The following USP25 variants were observed in gnomAD, a reference collection of about 807,000 sequenced individuals.
The protein encoded by USP25 is ubiquitin specific peptidase 25.
A neutral mutation model predicts 158.5 loss-of-function variants in USP25; 85 were observed. That is an observed-to-expected ratio of 0.54 (90% confidence interval 0.45 to 0.64). The LOEUF is 0.64. Ranked by LOEUF, USP25 falls within the 30% of genes least tolerant of loss-of-function variation. USP25 has a pLI of 0.00. For synonymous variants in USP25, 464 were observed against 460.4 expected, an observed-to-expected ratio of 1.01 and a Z score of -0.10; for missense variants, 1,242 against 1,327.3, an observed-to-expected ratio of 0.94 and a Z score of 1.00.
intron 9 of USP25, among the ~76,000 whole-genome samples, chr21:15,815,361 C>T (rs1487372184): frequency 1.3e-5 from 2 of 152,188 alleles, no homozygotes; most frequent in Non-Finnish European, 2.9e-5. Flanking sequence ...GGGGCACCAC[C>T]TAGTGGAACT....
At position 15,859,991 on chromosome 21, in the gene USP25, ATT is replaced by A. The variant is rs58141554; in HGVS notation, c.2548-4262_2548-4261del. 3.8e-4 allele frequency among the ~76,000 whole-genome samples: 50 copies of A among 131,100 alleles called. 1 individual carries two copies. Among genetic ancestry groups the A allele is most frequent in the African/African-American group, 1.1e-3 (40 of 35,046 alleles). 86.0% of individuals were successfully genotyped at this position (131,100 alleles called of 152,430 possible). Reference sequence around the variant, plus strand: ...TATGTATATATATATATATATCTATATTTTTTTTTTTTTTTTGGATGGCGTCT... The same window carrying A: ...TATGTATATATATATATATATCTATATTTTTTTTTTTTTTGGATGGCGTCT... On this transcript the variant is annotated intron_variant, in intron 20 of 25. Transcript: ENST00000400183.
At chr21:15,747,693 A>T (rs887553525) in intron 1 of USP25, among the ~76,000 whole-genome samples, 29 of 152,172 alleles carry the variant, frequency 1.9e-4, no homozygotes, top group African/African-American at 7.0e-4. Flanking sequence ...CAGTGTGGAT[A>T]TGTTGGACAA....
At chr21:15,835,842 T>G (rs2038039414) in intron 17 of USP25, among the ~76,000 whole-genome samples, 1 of 152,190 alleles carries the variant, frequency 6.6e-6, no homozygotes, top group Non-Finnish European at 1.5e-5. Context: ...AGAGTGAGAT[T>G]GTTGTTTAAA....
intron 5 of USP25, among the ~76,000 whole-genome samples, chr21:15,798,646 G>T (rs375421856): frequency 5.3e-5 from 8 of 151,268 alleles, no homozygotes; most frequent in African/African-American, 1.7e-4. Flanking sequence ...TTTGTTAAAT[G>T]AATGAATAGA....
rs548110273 is a variant in USP25, at chr21:15,766,912, A to G, written c.268+771A>G. 6.6e-6 allele frequency among the ~76,000 whole-genome samples: 1 copy of G among 152,202 alleles called. No individual in the cohort carries two copies. Among genetic ancestry groups the G allele is most frequent in the East Asian group, 1.9e-4 (1 of 5,182 alleles). Reference sequence around the variant, plus strand: ...TTTATAGACATTCTCAAAGTTAGGAAGCAACCAGAAAAGAGTTCGTTTACA... The same window carrying G: ...TTTATAGACATTCTCAAAGTTAGGAGGCAACCAGAAAAGAGTTCGTTTACA... On this transcript the variant is annotated intron_variant, in intron 3 of 25. Transcript: ENST00000400183. The surrounding 1 kb of genome is among the most constrained non-coding windows in gnomAD (Gnocchi z 4.0).
chr21:15,793,884 A>G (rs1181917182), intron 5 of USP25, among the ~76,000 whole-genome samples: 2 of 151,694 alleles, frequency 1.3e-5, no homozygotes, highest in Non-Finnish European at 3.0e-5. Flanking sequence ...ATTTTCTACC[A>G]TTATTGCTTA....
At chr21:15,747,588 G>C (rs1243253279) in intron 1 of USP25, among the ~76,000 whole-genome samples, 1 of 151,968 alleles carries the variant, frequency 6.6e-6, no homozygotes, top group Non-Finnish European at 1.5e-5. Flanking sequence ...TAATGAAATA[G>C]AACAACTATG....
At chr21:15,745,209 A>T (rs2032436128) in intron 1 of USP25, 1 of 151,856 alleles carries the variant, frequency 6.6e-6, no homozygotes, top group Non-Finnish European at 1.5e-5. Flanking sequence ...TTCCTTATTG[A>T]CCATTTTTAT....
chr21:15,774,884 C>T lies in USP25; in HGVS notation c.269-3020C>T, dbSNP rs151104692. Among the ~76,000 whole-genome samples the T allele has an allele frequency of 2.8e-3, 428 of 152,256 alleles. 2 individuals are homozygous for T. Among genetic ancestry groups the T allele is most frequent in the African/African-American group, 9.9e-3 (412 of 41,548 alleles). ...AAGATGCAGCAGTTTTATTCAATAT[C>T]GTTTTGCATCATTGGTGCAAATGTG... On this transcript the variant is annotated intron_variant, in intron 3 of 25. Transcript: ENST00000400183.
rs114426459 is a variant in USP25 at position 15,863,368 on chromosome 21, C to T, written c.2548-900C>T. 7.8e-3 allele frequency among the ~76,000 whole-genome samples: 1,187 copies of T among 152,024 alleles called. 13 individuals carry two copies. Among genetic ancestry groups the T allele is most frequent in the African/African-American group, 0.025 (1,016 of 41,466 alleles). On this transcript the variant is annotated intron_variant, in intron 20 of 25. Coordinates refer to ENST00000400183, the MANE Select transcript of USP25 (RefSeq NM_001283041.3). ...ATTATTCTTACATTAATAAAATGTA[C>T]GTACTGTTGGAGCAATAAATACTTC...
chr21:15,745,768 G>C (rs149864994), intron 1 of USP25, among the ~76,000 whole-genome samples: 10 of 151,996 alleles, frequency 6.6e-5, no homozygotes, highest in Non-Finnish European at 1.5e-4. Context: ...GAGCCACCAC[G>C]CCCGGCTGCT....
chr21:15,766,139 C>T lies in USP25; in HGVS notation c.266C>T (p.Thr89Ile), dbSNP rs2034025668. The change falls in exon 3 of 26, where the codon ACA (threonine) becomes ATA (isoleucine). Residue 89 changes from threonine (T) to isoleucine (I), a missense_variant and splice_region_variant. Thr to Ile is a moderately conservative substitution (Grantham distance 89). This residue lies in a region of USP25 where 627 missense variants were observed against 701.4 expected (regional missense o/e 0.89). Transcript: ENST00000400183. This position sits in a 1 kb window ranked among gnomAD's most constrained non-coding sequence, Gnocchi z 4.0. ...RYISVGSQAD[T>I]NVIDLTGDDK... ...ATCAGTGTGGGAAGCCAAGCAGATA[C>T]AAGTAAGTTTTCTTTCTTTTCTTAT... is the stretch of plus-strand genomic sequence containing the variant. 1.9e-6 allele frequency: 3 copies of T among 1,583,690 alleles called. No homozygotes were observed. The highest frequency in any genetic ancestry group is 2.6e-6 in the Non-Finnish European group (3 of 1,170,872).
chr21:15,870,195 A>G, intron 23 of USP25, 48 bp downstream of exon 23: 1 of 1,393,864 alleles, frequency 7.2e-7, no homozygotes, highest in Non-Finnish European at 1.0e-6. Flanking sequence ...TTTGCACTTA[A>G]TTCTATTCAG....
chr21:15,869,168 A>G (rs555806383), intron 22 of USP25, among the ~76,000 whole-genome samples: 1 of 151,938 alleles, frequency 6.6e-6, no homozygotes, highest in South Asian at 2.1e-4. Context: ...GGATTGCTGG[A>G]GCCCAGAAGG....
At chr21:15,863,710 G>T (rs966490350) in intron 20 of USP25, among the ~76,000 whole-genome samples, 13 of 152,208 alleles carry the variant, frequency 8.5e-5, no homozygotes, top group African/African-American at 3.1e-4. Flanking sequence ...ATGTGTGGAA[G>T]CAAAAAGAAC....
At chr21:15,848,968 A>T (rs903554899) in intron 19 of USP25, among the ~76,000 whole-genome samples, 1 of 151,634 alleles carries the variant, frequency 6.6e-6, no homozygotes, top group African/African-American at 2.4e-5. Flanking sequence ...TAAACAGCTA[A>T]AAATAATAAG....
intron 6 of USP25, among the ~76,000 whole-genome samples, chr21:15,800,247 G>C (rs1217985262): frequency 6.6e-6 from 1 of 151,192 alleles, no homozygotes; most frequent in Non-Finnish European, 1.5e-5. Flanking sequence ...TGTCTTTGCA[G>C]TACAAATCTG....
chr21:15,781,428 C>T (rs930841177), intron 4 of USP25, among the ~76,000 whole-genome samples: 4 of 152,146 alleles, frequency 2.6e-5, no homozygotes, highest in East Asian at 1.9e-4. Context: ...CATTAGAGCA[C>T]TCATCCATCA....
Position 15,766,125 on chromosome 21 carries a change from A to G in USP25, c.252A>G (p.Gly84=). ...LPGNDRYISV[G]SQADTNVIDL... ...GCAATGATAGATACATCAGTGTGGG[A>G]AGCCAAGCAGATACAAGTAAGTTTT... Residue 84 remains glycine (G), a synonymous_variant, in exon 3 of 26, where the codon GGA becomes GGG. Coordinates refer to ENST00000400183, the MANE Select transcript of USP25 (RefSeq NM_001283041.3). The surrounding 1 kb of genome is among the most constrained non-coding windows in gnomAD (Gnocchi z 4.0). 6.3e-7 allele frequency: 1 copy of G among 1,598,762 alleles called. No homozygotes were observed.
Sources: gnomAD v4.1 joint callset for allele counts (sites outside exome capture counted in the v4.1 genomes callset) on GRCh38, gnomAD v4.1.1 for gene constraint, gnomAD v4.1.1 regional missense constraint, Gnocchi (gnomAD v3.1) non-coding constraint, MANE v1.5 for transcripts, NCBI Gene and HGNC (gene_info 2026-07-23, HGNC 2026-07-21) for gene names.